Variants in ATP10B observed in about 807,000 individuals in gnomAD.
The protein encoded by ATP10B is phospholipid-transporting ATPase VB.
ATP10B carries 122 observed loss-of-function variants against 141.2 expected under a neutral mutation model. That is an observed-to-expected ratio of 0.86 (90% confidence interval 0.75 to 1.00). The LOEUF (loss-of-function observed/expected upper bound fraction) is 1.00. Among genes scored for constraint, ATP10B ranks in the 50% least tolerant of loss-of-function variants. The pLI, the probability that ATP10B is intolerant of heterozygous loss-of-function variation, is 0.00. For missense variants in ATP10B, 1,876 were observed against 1,825.3 expected (o/e 1.03, Z -0.51); for synonymous variants, 685 against 692.0 (o/e 0.99, Z 0.16).
chr5:160,626,482 A>G (rs1414325923), intron 13 of ATP10B, among the ~76,000 whole-genome samples: 2 of 152,210 alleles, frequency 1.3e-5, no homozygotes, highest in Non-Finnish European at 2.9e-5. Context: ...GAAACAAGCG[A>G]GGCTCATTGA....
At chr5:160,707,228 G>A (rs1402248756) in intron 3 of ATP10B, among the ~76,000 whole-genome samples, 1 of 152,178 alleles carries the variant, frequency 6.6e-6, no homozygotes, top group Non-Finnish European at 1.5e-5. Flanking sequence ...TGGGATTACA[G>A]GCATGAGCCA....
chr5:160,696,891 T>C (rs1252382845), intron 3 of ATP10B, among the ~76,000 whole-genome samples: 3 of 152,224 alleles, frequency 2.0e-5, no homozygotes. Flanking sequence ...TTTCTACTTA[T>C]TTTGATTGGA....
chr5:160,656,312 G>A (rs1343366603), intron 7 of ATP10B, among the ~76,000 whole-genome samples: 1 of 152,056 alleles, frequency 6.6e-6, no homozygotes, highest in Non-Finnish European at 1.5e-5. Flanking sequence ...AATTTAAGTC[G>A]TGATGCCCTG....
chr5:160,873,157 A>T, the ATP10B span, among the ~76,000 whole-genome samples: 1 of 145,142 alleles, frequency 6.9e-6, no homozygotes, highest in Non-Finnish European at 1.5e-5. Context: ...AAACAGTTTG[A>T]GTTCTTGATC....
intron 13 of ATP10B, among the ~76,000 whole-genome samples, chr5:160,629,571 C>G (rs1389408833): frequency 6.6e-6 from 1 of 152,176 alleles, no homozygotes; most frequent in African/African-American, 2.4e-5. Flanking sequence ...TGGAAACTCC[C>G]CATTTTCTCT....
chr5:160,800,285 C>T (rs752239586), intron 1 of ATP10B, among the ~76,000 whole-genome samples: 1 of 152,084 alleles, frequency 6.6e-6, no homozygotes, highest in African/African-American at 2.4e-5. Flanking sequence ...CCTCAGTTTC[C>T]TCATCTATAA....
intron 2 of ATP10B, among the ~76,000 whole-genome samples, chr5:160,785,154 A>G (rs1771041407): frequency 6.6e-6 from 1 of 152,024 alleles, no homozygotes; most frequent in Admixed American, 6.6e-5. Context: ...TTACTGATTT[A>G]CTCCATTGAC....
chr5:160,829,443 T>TG, intron 1 of ATP10B, among the ~76,000 whole-genome samples: 1 of 152,130 alleles, frequency 6.6e-6, no homozygotes, highest in Non-Finnish European at 1.5e-5. Flanking sequence ...ACTCTTTTTT[T>TG]GGTTTCATAT....
intron 1 of ATP10B, among the ~76,000 whole-genome samples, chr5:160,820,507 T>C (rs1774016217): frequency 1.3e-5 from 2 of 152,114 alleles, no homozygotes; most frequent in Admixed American, 6.6e-5. Context: ...TTCTGAAAAA[T>C]AGAGGAGGAA....
At chr5:160,909,283 CTG>C in the ATP10B span, among the ~76,000 whole-genome samples, 5 of 152,060 alleles carry the variant, frequency 3.3e-5, no homozygotes, top group South Asian at 4.2e-4. Context: ...ACAGCCAATG[CTG>C]TGTGTGTGTG....
the ATP10B span, among the ~76,000 whole-genome samples, chr5:160,861,581 C>T: frequency 3.3e-5 from 5 of 151,708 alleles, no homozygotes; most frequent in Admixed American, 2.0e-4. Flanking sequence ...TTTTGATATT[C>T]GTAAAGTATG....
chr5:160,773,361 G>C (rs1192159733), intron 2 of ATP10B, among the ~76,000 whole-genome samples: 2 of 152,198 alleles, frequency 1.3e-5, no homozygotes, highest in African/African-American at 4.8e-5. Flanking sequence ...AGGCTGGATG[G>C]GTAGGAAGTC....
chr5:160,834,966 G>A (rs62392628), intron 1 of ATP10B, among the ~76,000 whole-genome samples: 2 of 152,068 alleles, frequency 1.3e-5, no homozygotes, highest in African/African-American at 2.4e-5. Flanking sequence ...TTAGTCTTAT[G>A]AGAACTTATT....
chr5:160,826,895 C>T (rs937406747), intron 1 of ATP10B, among the ~76,000 whole-genome samples: 1 of 152,158 alleles, frequency 6.6e-6, no homozygotes, highest in Non-Finnish European at 1.5e-5. Context: ...AATATTTGGT[C>T]AGATCGGTTC....
At chr5:160,675,386 A>G (rs1323520340) in intron 6 of ATP10B, among the ~76,000 whole-genome samples, 2 of 152,184 alleles carry the variant, frequency 1.3e-5, no homozygotes, top group Admixed American at 6.6e-5. Context: ...TGGCTTTCTG[A>G]GAGGAGATAG....
chr5:160,779,006 G>A (rs1770534463), intron 2 of ATP10B, among the ~76,000 whole-genome samples: 1 of 152,196 alleles, frequency 6.6e-6, no homozygotes, highest in Non-Finnish European at 1.5e-5. Flanking sequence ...AATGAAGTCT[G>A]TGCAGCATTG....
intron 18 of ATP10B, among the ~76,000 whole-genome samples, chr5:160,609,333 CTAGAGATT>C (rs1476406242): frequency 1.3e-5 from 2 of 151,408 alleles, no homozygotes; most frequent in African/African-American, 4.9e-5. Flanking sequence ...GAACATTGAT[CTAGAGATT>C]TAGAGATTTC....
chr5:160,776,966 T>C (rs60491257), intron 2 of ATP10B, among the ~76,000 whole-genome samples: 3,126 of 152,186 alleles, frequency 0.021, 105 homozygotes, highest in African/African-American at 0.071. Context: ...GTTGACACTT[T>C]TGGGGAGCTG....
At chr5:160,606,720 A>G in intron 19 of ATP10B, 45 bp downstream of exon 19, 1 of 1,577,222 alleles carries the variant, frequency 6.3e-7, no homozygotes, top group Non-Finnish European at 8.6e-7. Context: ...CTTTCATCAG[A>G]TCATCCCTGC....
Sources: allele counts gnomAD v4.1 joint callset (sites outside exome capture counted in the v4.1 genomes callset), GRCh38; gene constraint gnomAD v4.1.1; transcripts MANE v1.5; gene names NCBI Gene and HGNC (gene_info 2026-07-23, HGNC 2026-07-21).